PDGFD: variants seen among roughly 807,000 people sequenced by gnomAD.
The protein encoded by PDGFD is platelet derived growth factor D.
In PDGFD, 30 loss-of-function variants were observed where a neutral mutation model predicts 44.7. The observed-to-expected ratio is 0.67, with a 90% CI of 0.50 to 0.91. The LOEUF (loss-of-function observed/expected upper bound fraction) is 0.91, where lower values mean the gene tolerates loss of function less well. Among genes scored for constraint, PDGFD ranks in the 40% least tolerant of loss-of-function variants. PDGFD has a pLI of 0.00. For missense variants in PDGFD, 445 were observed against 457.8 expected, an observed-to-expected ratio of 0.97 and a Z score of 0.25; for synonymous variants, 173 against 168.4, an observed-to-expected ratio of 1.03 and a Z score of -0.21.
At position 103,996,255 on chromosome 11, in the gene PDGFD, AT is replaced by A. The variant is rs755487834; in HGVS notation, c.330-11del. 168 of 1,594,540 alleles carry A rather than the reference AT, an allele frequency of 1.1e-4. 3 individuals are homozygous for A. In the South Asian group the frequency reaches 1.8e-3, roughly 17 times the overall value. On this transcript the variant is annotated splice_polypyrimidine_tract_variant and intron_variant, in intron 2 of 6. Coordinates refer to ENST00000393158, the MANE Select transcript of PDGFD (RefSeq NM_025208.5). Reference sequence around the variant, plus strand: ...TTCCACAAAATCATACCTAGAATCAATTGGACATAATGAACAAGTTTTGATT... The same window carrying A: ...TTCCACAAAATCATACCTAGAATCAATGGACATAATGAACAAGTTTTGATT...
intron 3 of PDGFD, among the ~76,000 whole-genome samples, chr11:103,986,524 TC>T: frequency 6.6e-6 from 1 of 152,280 alleles, no homozygotes; most frequent in East Asian, 1.9e-4. Flanking sequence ...TTTCCTTTCA[TC>T]ACTTGGAAAG....
chr11:104,030,310 G>A (rs766332887), intron 1 of PDGFD, among the ~76,000 whole-genome samples: 4 of 152,116 alleles, frequency 2.6e-5, no homozygotes, highest in East Asian at 1.9e-4. Context: ...GATCCCTGAC[G>A]CAGACAACAT....
At chr11:104,035,387 C>A (rs1031947511) in intron 1 of PDGFD, among the ~76,000 whole-genome samples, 2 of 152,070 alleles carry the variant, frequency 1.3e-5, no homozygotes, top group Non-Finnish European at 2.9e-5. Context: ...ACTTTCCACA[C>A]TCTAGCAACA....
intron 3 of PDGFD, among the ~76,000 whole-genome samples, chr11:103,966,669 T>C (rs1010954073): frequency 1.3e-5 from 2 of 152,124 alleles, no homozygotes; most frequent in Admixed American, 1.3e-4. Context: ...TCTTCAAAAA[T>C]AAAAAGGAAA....
intron 1 of PDGFD, among the ~76,000 whole-genome samples, chr11:104,106,147 A>C (rs1861469221): frequency 1.3e-5 from 2 of 152,202 alleles, no homozygotes; most frequent in Admixed American, 1.3e-4. Flanking sequence ...AGATGACTTA[A>C]AAGAATTCTA....
chr11:104,036,443 CAAAAAAAAAT>C, intron 1 of PDGFD: 1 of 216,170 alleles, frequency 4.6e-6, no homozygotes, highest in Non-Finnish European at 9.4e-6. Flanking sequence ...GATCCTGTCT[CAAAAAAAAAT>C]GTGTTGAAAT....
At chr11:104,154,869 T>C (rs556526824) in intron 1 of PDGFD, among the ~76,000 whole-genome samples, 4 of 152,198 alleles carry the variant, frequency 2.6e-5, no homozygotes, top group South Asian at 4.1e-4. Flanking sequence ...AGAGACCATA[T>C]GGCCTGAAAA....
At chr11:104,038,747 A>C (rs1860298507) in intron 1 of PDGFD, 2 of 167,114 alleles carry the variant, frequency 1.2e-5, no homozygotes, top group African/African-American at 4.8e-5. Context: ...GCAATAAATT[A>C]GATTTTTTAA....
In PDGFD at chr11:104,103,462, G is replaced by GTGTGTGTA. The variant is rs1041388346; in HGVS notation, c.124+60341_124+60342insTACACACA. Among the ~76,000 whole-genome samples the GTGTGTGTA allele has an allele frequency of 1.9e-3, 258 of 133,234 alleles. 1 individual carries two copies. The highest frequency in any genetic ancestry group is 5.9e-3 in the African/African-American group (212 of 36,094). 87.4% of individuals were successfully genotyped at this position (133,234 alleles called of 152,430 possible). The stretch of plus-strand genomic sequence containing the variant: ...AACAGACAATTATGTGTGTGTGTGT[G>GTGTGTGTA]TATATATATATATATATATATATAT... On this transcript the variant is annotated intron_variant, in intron 1 of 6. Transcript: ENST00000393158.
At chr11:104,148,268 A>G (rs1324273104) in intron 1 of PDGFD, among the ~76,000 whole-genome samples, 1 of 152,200 alleles carries the variant, frequency 6.6e-6, no homozygotes, top group Admixed American at 6.5e-5. Flanking sequence ...CGATTTCAAC[A>G]CACTGAAACG....
chr11:104,000,370 A>C, intron 1 of PDGFD, 115 bp from the exon 2 acceptor site: 5 of 937,022 alleles, frequency 5.3e-6, no homozygotes, highest in Non-Finnish European at 8.1e-6. Context: ...ATTTTGCCTA[A>C]AAACATTAAG....
At position 104,083,625 on chromosome 11, in the gene PDGFD, A is replaced by AC. The variant is rs200497676; in HGVS notation, c.124+80178_124+80179insG. On this transcript the variant is annotated intron_variant, in intron 1 of 6. Transcript: ENST00000393158. ...AAAAATTCTATTGTCCCAATACAAAAATAAACTGGATTATCTTGATCTAAT... is the reference window on the plus strand; with the variant it reads ...AAAAATTCTATTGTCCCAATACAAAACATAAACTGGATTATCTTGATCTAAT... 8.3e-3 allele frequency among the ~76,000 whole-genome samples: 1,264 copies of AC among 152,328 alleles called. 13 individuals are homozygous for AC. Among genetic ancestry groups the AC allele is most frequent in the African/African-American group, 0.028 (1,183 of 41,570 alleles).
chr11:104,056,726 TTTATA>T (rs1860622250), intron 1 of PDGFD, among the ~76,000 whole-genome samples: 1 of 152,346 alleles, frequency 6.6e-6, no homozygotes, highest in Admixed American at 6.5e-5. Flanking sequence ...TATTTTCATA[TTTATA>T]TTTTAATAAA....
intron 1 of PDGFD, among the ~76,000 whole-genome samples, chr11:104,132,004 A>C (rs1385645193): frequency 6.6e-6 from 1 of 151,796 alleles, no homozygotes; most frequent in African/African-American, 2.4e-5. Flanking sequence ...AAACAAAAAA[A>C]ACACTATCCC....
At chr11:103,935,433 T>A (rs991788233) in intron 5 of PDGFD, among the ~76,000 whole-genome samples, 7 of 152,076 alleles carry the variant, frequency 4.6e-5, no homozygotes, top group African/African-American at 1.7e-4. Flanking sequence ...TACTTACAAA[T>A]CATATGAGTC....
chr11:104,114,063 A>C (rs1861598421), intron 1 of PDGFD, among the ~76,000 whole-genome samples: 1 of 152,036 alleles, frequency 6.6e-6, no homozygotes, highest in Non-Finnish European at 1.5e-5. Context: ...CATTCTCTTT[A>C]TGGTGTCTTT....
chr11:104,095,409 G>C lies in PDGFD; in HGVS notation c.124+68395C>G, dbSNP rs371507073. On this transcript the variant is annotated intron_variant, in intron 1 of 6. Transcript: ENST00000393158. Reference sequence around the variant, plus strand: ...GAAAACCACTCATTCCACTGAAGTAGGCAGCTCTCTCAACCCTAATCTGGG... The same window carrying C: ...GAAAACCACTCATTCCACTGAAGTACGCAGCTCTCTCAACCCTAATCTGGG... Among the ~76,000 whole-genome samples, 98 of 152,116 alleles carry C rather than the reference G, an allele frequency of 6.4e-4. 1 individual carries two copies. In the South Asian group the frequency reaches 0.018, roughly 28 times the overall value.
intron 1 of PDGFD, among the ~76,000 whole-genome samples, chr11:104,030,324 C>CCGAAA (rs1348598182): frequency 6.6e-6 from 1 of 152,158 alleles, no homozygotes; most frequent in East Asian, 1.9e-4. Flanking sequence ...ACAACATCCA[C>CCGAAA]CTAGTTTCCA....
At chr11:104,135,651 C>T (rs1039774221) in intron 1 of PDGFD, among the ~76,000 whole-genome samples, 2 of 152,048 alleles carry the variant, frequency 1.3e-5, no homozygotes, top group Admixed American at 1.3e-4. Flanking sequence ...CTACTCCTTG[C>T]AGTGTGGAGG....
Sources: gnomAD v4.1 joint callset for allele counts (sites outside exome capture counted in the v4.1 genomes callset) on GRCh38, gnomAD v4.1.1 for gene constraint, MANE v1.5 for transcripts, NCBI Gene and HGNC (gene_info 2026-07-23, HGNC 2026-07-21) for gene names.